Variants in SUGCT observed in about 807,000 individuals in gnomAD.
The protein encoded by SUGCT is succinyl-CoA:glutarate-CoA transferase.
In SUGCT, 41 loss-of-function variants were observed where a neutral mutation model predicts 55.0. The observed-to-expected ratio is 0.74, with a 90% CI of 0.58 to 0.97. SUGCT has a LOEUF of 0.97. Ranked by LOEUF, SUGCT falls within the 50% of genes least tolerant of loss-of-function variation. SUGCT has a pLI of 0.00. For synonymous variants in SUGCT, 187 were observed against 200.4 expected, an observed-to-expected ratio of 0.93 and a Z score of 0.56; for missense variants, 568 against 547.8, an observed-to-expected ratio of 1.04 and a Z score of -0.37.
chr7:40,317,407 A>T (rs1795498841), intron 9 of SUGCT, among the ~76,000 whole-genome samples: 1 of 152,206 alleles, frequency 6.6e-6, no homozygotes, highest in South Asian at 2.1e-4. Context: ...AGTAACTGTG[A>T]TCTTTCAAAA....
chr7:40,318,952 C>T (rs1340788645), intron 9 of SUGCT, among the ~76,000 whole-genome samples: 3 of 152,066 alleles, frequency 2.0e-5, no homozygotes, highest in African/African-American at 7.3e-5. Context: ...AGAGTTCTGG[C>T]ACCCTGGGTA....
the SUGCT span, among the ~76,000 whole-genome samples, chr7:40,922,815 A>G: frequency 2.7e-4 from 41 of 152,314 alleles, no homozygotes; most frequent in Admixed American, 2.6e-3. Flanking sequence ...TTGCCTTCAG[A>G]CATATTTCTT....
intron 9 of SUGCT, among the ~76,000 whole-genome samples, chr7:40,440,100 A>G (rs150774519): frequency 7.0e-6 from 1 of 143,556 alleles, no homozygotes; most frequent in Non-Finnish European, 1.5e-5. Context: ...GACTTCAATT[A>G]TAGATAATAA....
chr7:40,741,197 G>A (rs576795346), intron 12 of SUGCT, among the ~76,000 whole-genome samples: 3 of 151,712 alleles, frequency 2.0e-5, no homozygotes, highest in Admixed American at 6.6e-5. Flanking sequence ...AGAATTGCCT[G>A]AACCCAGGAG....
At chr7:40,761,991 G>A (rs999514188) in intron 13 of SUGCT, among the ~76,000 whole-genome samples, 2 of 152,152 alleles carry the variant, frequency 1.3e-5, no homozygotes, top group African/African-American at 2.4e-5. Flanking sequence ...AGCACGCCCC[G>A]GGGAACCTGT....
In SUGCT at chr7:40,195,060, G is replaced by T; in HGVS notation, c.484G>T (p.Gly162Trp). The T allele has an allele frequency of 6.2e-7, 1 of 1,611,786 alleles. No individual in the cohort carries two copies. Among genetic ancestry groups the T allele is most frequent in the Non-Finnish European group, 8.5e-7 (1 of 1,178,898 alleles). ...TCACATCATCTATTGTTCCATCACA[G>T]GTATTTCAACCCCACACCCTTGTCA... ...APHIIYCSIT[G>W]YGQTGPISQR... The change falls in exon 6 of 14, where the codon GGG (glycine) becomes TGG (tryptophan). Residue 162 changes from glycine to tryptophan, a missense_variant and splice_region_variant. Coordinates refer to ENST00000335693, the MANE Select transcript of SUGCT (RefSeq NM_001193313.2).
intron 8 of SUGCT, among the ~76,000 whole-genome samples, chr7:40,282,206 G>T (rs1290009293): frequency 6.6e-6 from 1 of 151,898 alleles, no homozygotes; most frequent in Non-Finnish European, 1.5e-5. Context: ...AGTGGCTCAT[G>T]CATGTAATCC....
chr7:40,912,562 A>G, the SUGCT span, among the ~76,000 whole-genome samples: 1 of 152,194 alleles, frequency 6.6e-6, no homozygotes, highest in Admixed American at 6.5e-5. Context: ...TTTACAAGGC[A>G]AGTCATGAGA....
intron 9 of SUGCT, among the ~76,000 whole-genome samples, chr7:40,441,844 G>A (rs899482235): frequency 4.6e-5 from 7 of 152,082 alleles, no homozygotes; most frequent in African/African-American, 1.7e-4. Flanking sequence ...CAGGCTGAGG[G>A]AGAGGGATTT....
the SUGCT span, among the ~76,000 whole-genome samples, chr7:40,970,456 G>A: frequency 6.6e-6 from 1 of 152,204 alleles, no homozygotes; most frequent in African/African-American, 2.4e-5. Context: ...ACAGGCATGA[G>A]CCACTGCACC....
chr7:40,342,316 A>C (rs952214177), intron 9 of SUGCT, among the ~76,000 whole-genome samples: 4 of 152,224 alleles, frequency 2.6e-5, no homozygotes, highest in Non-Finnish European at 5.9e-5. Flanking sequence ...CTTATGGATA[A>C]GTATGAGCAA....
chr7:40,974,329 T>A, the SUGCT span, among the ~76,000 whole-genome samples: 1 of 152,140 alleles, frequency 6.6e-6, no homozygotes, highest in African/African-American at 2.4e-5. Flanking sequence ...TACTTGGAAA[T>A]TGAACCTATG....
chr7:40,638,127 T>G (rs1800102418), intron 12 of SUGCT, among the ~76,000 whole-genome samples: 1 of 152,218 alleles, frequency 6.6e-6, no homozygotes, highest in African/African-American at 2.4e-5. Context: ...GAACAGTAAG[T>G]TGCTTTTAGA....
At chr7:40,838,797 G>A (rs146426352) in intron 13 of SUGCT, among the ~76,000 whole-genome samples, 334 of 152,222 alleles carry the variant, frequency 2.2e-3, no homozygotes, top group African/African-American at 7.6e-3. Flanking sequence ...GAATAAGAGC[G>A]ATGAAAGGGG....
At chr7:40,342,014 G>T (rs747507078) in intron 9 of SUGCT, among the ~76,000 whole-genome samples, 1 of 152,212 alleles carries the variant, frequency 6.6e-6, no homozygotes. Flanking sequence ...CACATGTGGT[G>T]CAGTGGTACA....
intron 6 of SUGCT, among the ~76,000 whole-genome samples, chr7:40,213,362 A>G (rs1187051223): frequency 6.6e-6 from 1 of 152,148 alleles, no homozygotes; most frequent in African/African-American, 2.4e-5. Context: ...ATGTCCTTCA[A>G]ACTGGGTTTG....
intron 12 of SUGCT, among the ~76,000 whole-genome samples, chr7:40,745,009 T>G (rs1388649598): frequency 6.6e-6 from 1 of 152,224 alleles, no homozygotes; most frequent in East Asian, 1.9e-4. Flanking sequence ...TCTTATTCTG[T>G]ACCCTCTCTT....
chr7:40,344,788 A>G (rs1295464133), intron 9 of SUGCT, among the ~76,000 whole-genome samples: 1 of 152,168 alleles, frequency 6.6e-6, no homozygotes, highest in Non-Finnish European at 1.5e-5. Flanking sequence ...TGATTTTGAA[A>G]AATTTCCCTT....
intron 12 of SUGCT, chr7:40,499,311 A>G (rs1292579287): frequency 3.6e-6 from 1 of 275,538 alleles, no homozygotes; most frequent in Non-Finnish European, 7.4e-6. Flanking sequence ...TTGAGTGCCT[A>G]CTTCTCAAGT....
Sources: allele counts gnomAD v4.1 joint callset (sites outside exome capture counted in the v4.1 genomes callset), GRCh38; gene constraint gnomAD v4.1.1; transcripts MANE v1.5; gene names NCBI Gene and HGNC (gene_info 2026-07-23, HGNC 2026-07-21).